SUFU: variants seen among roughly 807,000 people sequenced by gnomAD.
SUFU encodes suppressor of fused homolog.
SUFU carries 7 observed loss-of-function variants against 58.9 expected under a neutral mutation model. The ratio of observed to expected loss-of-function variants is 0.12; its 90% confidence interval spans 0.07 to 0.22. The LOEUF is 0.22. SUFU is among the 10% of genes least tolerant of loss of function. The pLI is 1.00. For synonymous variants in SUFU, 232 were observed against 254.8 expected (o/e 0.91, Z 0.85); for missense variants, 451 against 641.3 (o/e 0.70, Z 3.20).
intron 8 of SUFU, among the ~76,000 whole-genome samples, chr10:102,604,199 C>T (rs555447341): frequency 5.7e-4 from 87 of 152,322 alleles, no homozygotes; most frequent in African/African-American, 2.1e-3. Context: ...GGGCCCCAGC[C>T]AGACTCTGCA....
At chr10:102,609,300 T>C (rs914263250) in intron 8 of SUFU, among the ~76,000 whole-genome samples, 1 of 152,178 alleles carries the variant, frequency 6.6e-6, no homozygotes, top group African/African-American at 2.4e-5. Context: ...TCTCTTATTA[T>C]TGTGAATAGT....
In SUFU at chr10:102,631,156, T is replaced by G. The variant is rs2063833978; in HGVS notation, c.*1001T>G. ...CTGTAACCAGTCCTGTCCCATTTCC[T>G]CAGTCCCTGGGCCTCCCAGCCTTCA... On this transcript the variant is annotated 3_prime_UTR_variant, in exon 12 of 12. Transcript: ENST00000369902. The G allele has an allele frequency of 4.3e-6, 1 of 233,316 alleles. No homozygotes were observed. Among genetic ancestry groups the G allele is most frequent in the African/African-American group, 2.2e-5 (1 of 45,342 alleles). The allele number at this position is 233,316 out of a possible 1,614,324, so 14.5% of individuals were successfully genotyped here.
chr10:102,549,409 A>G (rs1197042130), intron 2 of SUFU, among the ~76,000 whole-genome samples: 1 of 152,300 alleles, frequency 6.6e-6, no homozygotes, highest in East Asian at 1.9e-4. Flanking sequence ...TCACTATGAC[A>G]AGAACACTGT....
chr10:102,593,553 G>A lies in SUFU; in HGVS notation c.598-83G>A, dbSNP rs2085623129. ...TGCCTGTGGTCTCCCAACTGGAGGTGACTCAGAGAGCCTGGGTAGCTGACC... is the reference window on the plus strand; with the variant it reads ...TGCCTGTGGTCTCCCAACTGGAGGTAACTCAGAGAGCCTGGGTAGCTGACC... On this transcript the variant is annotated intron_variant, in intron 4 of 11. Coordinates refer to ENST00000369902, the MANE Select transcript of SUFU (RefSeq NM_016169.4). 11 of 1,374,468 alleles carry A rather than the reference G, an allele frequency of 8.0e-6. No individual in the cohort carries two copies. In the Middle Eastern group the frequency reaches 8.8e-4, roughly 110 times the overall value. The allele number at this position is 1,374,468 out of a possible 1,614,324, so 85.1% of individuals were successfully genotyped here.
chr10:102,630,431 CA>C lies in SUFU; in HGVS notation c.*277del. The C allele has an allele frequency of 1.9e-6, 1 of 512,982 alleles. No homozygotes were observed. Among genetic ancestry groups the C allele is most frequent in the South Asian group, 2.0e-5 (1 of 49,682 alleles). 31.8% of individuals were successfully genotyped at this position (512,982 alleles called of 1,614,324 possible). A position where few individuals can be genotyped will look rare whatever the true frequency, so the allele number is the denominator to read the frequency against. On this transcript the variant is annotated 3_prime_UTR_variant, in exon 12 of 12. Transcript: ENST00000369902. ...GGACCCTCCCTGCCTGCAGCCTGCA[CA>C]GATTCTGGTTTGAGGTTTGACTCTG...
rs545772847 is a variant in SUFU, at chr10:102,619,028, A to G, written c.1296+1600A>G. On this transcript the variant is annotated intron_variant, in intron 10 of 11. Transcript: ENST00000369902. This position sits in a 1 kb window ranked among gnomAD's most constrained non-coding sequence, Gnocchi z 4.2. The stretch of plus-strand genomic sequence containing the variant: ...GACAGTCGGGACTGGGGCCTCCCCA[A>G]ACTGCAGAATCTACCCAGTTATGTT... 2.3e-5 allele frequency: 37 copies of G among 1,608,768 alleles called. No individual in the cohort carries two copies. In the South Asian group the frequency reaches 3.0e-4, roughly 13 times the overall value.
At chr10:102,575,120 G>A (rs1316429633) in intron 3 of SUFU, among the ~76,000 whole-genome samples, 1 of 151,932 alleles carries the variant, frequency 6.6e-6, no homozygotes, top group Non-Finnish European at 1.5e-5. Context: ...AAGCTGAGGT[G>A]GAAGGATTGC....
chr10:102,515,952 C>T (rs571878549), intron 2 of SUFU, among the ~76,000 whole-genome samples: 31 of 152,204 alleles, frequency 2.0e-4, no homozygotes, highest in Admixed American at 1.8e-3. Flanking sequence ...ACCAAGCAAG[C>T]GTGAGGCGTC....
chr10:102,598,451 C>T (rs1302161601), intron 7 of SUFU, among the ~76,000 whole-genome samples: 3 of 152,144 alleles, frequency 2.0e-5, no homozygotes, highest in Non-Finnish European at 2.9e-5. Flanking sequence ...CCACCGCACC[C>T]GGCCAAGCCC....
chr10:102,548,323 C>A (rs528942193), intron 2 of SUFU, among the ~76,000 whole-genome samples: 12 of 152,284 alleles, frequency 7.9e-5, no homozygotes, highest in Admixed American at 1.3e-4. Flanking sequence ...TTCACCCAGG[C>A]ACAGAAAACT....
At chr10:102,527,946 A>G (rs989524063) in intron 2 of SUFU, among the ~76,000 whole-genome samples, 1 of 152,192 alleles carries the variant, frequency 6.6e-6, no homozygotes, top group Non-Finnish European at 1.5e-5. Flanking sequence ...TTCCCAAATC[A>G]GACTGTGATC....
Position 102,526,812 on chromosome 10 carries a change from G to A in SUFU, c.317+17509G>A, listed in dbSNP as rs369120308. 3.3e-5 allele frequency among the ~76,000 whole-genome samples: 5 copies of A among 152,072 alleles called. No homozygotes were observed. In the South Asian group the frequency reaches 1.0e-3, roughly 32 times the overall value. On this transcript the variant is annotated intron_variant, in intron 2 of 11. Transcript: ENST00000369902. ...CTGGGAGTCCTGATGAAGGTCCTAG[G>A]CAGTGAAACAGCTAGTATAAAGGCC...
intron 8 of SUFU, among the ~76,000 whole-genome samples, chr10:102,609,079 A>G (rs766713451): frequency 1.4e-4 from 22 of 152,166 alleles, no homozygotes; most frequent in Non-Finnish European, 4.4e-5. Flanking sequence ...GAAATGTAGA[A>G]ATATTATAGT....
intron 3 of SUFU, among the ~76,000 whole-genome samples, chr10:102,551,268 C>T (rs2062912010): frequency 6.6e-6 from 1 of 152,212 alleles, no homozygotes; most frequent in African/African-American, 2.4e-5. Context: ...GGCTGCCCAT[C>T]AACCTCTTCG....
At position 102,617,635 on chromosome 10, in the gene SUFU, T is replaced by C; in HGVS notation, c.1296+207T>C. ...GCAGCTTAGGAGCACTTCCTGACCT[T>C]CTCCCCCTGTCACCTGAGACACAAG... On this transcript the variant is annotated intron_variant, in intron 10 of 11. Transcript: ENST00000369902. This position sits in a 1 kb window ranked among gnomAD's most constrained non-coding sequence, Gnocchi z 4.4. The C allele has an allele frequency of 1.6e-6, 1 of 643,488 alleles. No homozygotes were observed. The highest frequency in any genetic ancestry group is 1.9e-5 in the South Asian group (1 of 51,428). The allele number at this position is 643,488 out of a possible 1,614,324, so 39.9% of individuals were successfully genotyped here.
chr10:102,588,249 T>C (rs1035317060), intron 3 of SUFU, among the ~76,000 whole-genome samples: 2 of 151,726 alleles, frequency 1.3e-5, no homozygotes, highest in Non-Finnish European at 2.9e-5. Context: ...AAAAATTAGC[T>C]GGGCGTGGTG....
intron 3 of SUFU, among the ~76,000 whole-genome samples, chr10:102,582,597 G>A (rs886258331): frequency 3.3e-5 from 5 of 152,194 alleles, no homozygotes; most frequent in African/African-American, 1.2e-4. Context: ...GGAGTTGTTT[G>A]TTAATGGGGA....
intron 2 of SUFU, among the ~76,000 whole-genome samples, chr10:102,527,290 C>A (rs978369929): frequency 1.3e-5 from 2 of 151,962 alleles, no homozygotes; most frequent in Admixed American, 1.3e-4. Flanking sequence ...GCGTGAGCCA[C>A]CGCGCCCGGC....
At chr10:102,559,271 G>A (rs943024976) in intron 3 of SUFU, among the ~76,000 whole-genome samples, 10 of 152,188 alleles carry the variant, frequency 6.6e-5, no homozygotes, top group Non-Finnish European at 1.5e-5. Flanking sequence ...GGCTGGGAAT[G>A]GGCCTGGCTC....
Sources: allele counts gnomAD v4.1 joint callset (sites outside exome capture counted in the v4.1 genomes callset), GRCh38; gene constraint gnomAD v4.1.1; non-coding constraint Gnocchi (gnomAD v3.1); transcripts MANE v1.5; gene names NCBI Gene and HGNC (gene_info 2026-07-23, HGNC 2026-07-21).